Variants in NRXN1 observed in about 807,000 individuals in gnomAD.
NRXN1 encodes the protein neurexin-1.
A neutral mutation model predicts 150.9 loss-of-function variants in NRXN1; 39 were observed. The ratio of observed to expected loss-of-function variants is 0.26; its 90% CI spans 0.20 to 0.34. The LOEUF is 0.34. Among genes scored for constraint, NRXN1 ranks in the 10% least tolerant of loss-of-function variants. The pLI, the probability that NRXN1 is intolerant of heterozygous loss-of-function variation, is 1.00. For synonymous variants in NRXN1, 924 were observed against 757.0 expected, an observed-to-expected ratio of 1.22 and a Z score of -3.62; for missense variants, 1,815 against 1,949.9, an observed-to-expected ratio of 0.93 and a Z score of 1.30.
chr2:50,676,916 G>A (rs1378871757), intron 5 of NRXN1, among the ~76,000 whole-genome samples: 1 of 152,134 alleles, frequency 6.6e-6, no homozygotes, highest in East Asian at 1.9e-4. Flanking sequence ...GATGGCAGGT[G>A]CTCAAGGCCA....
At chr2:50,422,432 T>C (rs1001180397) in intron 17 of NRXN1, among the ~76,000 whole-genome samples, 3 of 152,164 alleles carry the variant, frequency 2.0e-5, no homozygotes, top group Non-Finnish European at 4.4e-5. Context: ...TTGTTTGCAT[T>C]AGAACTGGCA....
At chr2:50,598,682 G>A (rs1000688095) in intron 8 of NRXN1, among the ~76,000 whole-genome samples, 1 of 144,752 alleles carries the variant, frequency 6.9e-6, no homozygotes, top group South Asian at 2.1e-4. Flanking sequence ...ATATGTGTAT[G>A]TATATACATA....
intron 5 of NRXN1, among the ~76,000 whole-genome samples, chr2:50,811,707 G>A (rs1359829950): frequency 6.6e-6 from 1 of 152,168 alleles, no homozygotes; most frequent in Non-Finnish European, 1.5e-5. Flanking sequence ...TAAAGCAACT[G>A]TAGTGCCTTG....
chr2:50,300,645 A>G (rs1014382971), intron 17 of NRXN1, among the ~76,000 whole-genome samples: 2 of 152,148 alleles, frequency 1.3e-5, no homozygotes, highest in Admixed American at 6.5e-5. Context: ...TCCACTTCTA[A>G]GCCATGCTCT....
chr2:50,284,574 G>A (rs1226152167), intron 17 of NRXN1, among the ~76,000 whole-genome samples: 1 of 152,032 alleles, frequency 6.6e-6, no homozygotes, highest in Non-Finnish European at 1.5e-5. Flanking sequence ...TCCACGTAGG[G>A]GAGTGTCTAC....
chr2:50,521,212 C>A (rs1181620914), intron 12 of NRXN1, among the ~76,000 whole-genome samples: 3 of 152,082 alleles, frequency 2.0e-5, no homozygotes, highest in African/African-American at 7.2e-5. Flanking sequence ...TCTTAAATCA[C>A]GCATTTCAAA....
chr2:49,953,958 G>A, intron 21 of NRXN1, among the ~76,000 whole-genome samples: 1 of 151,764 alleles, frequency 6.6e-6, no homozygotes, highest in Non-Finnish European at 1.5e-5. Flanking sequence ...AACCACCAAG[G>A]CACATGTATA....
At chr2:51,030,617 T>C (rs1014417672) in intron 1 of NRXN1, among the ~76,000 whole-genome samples, 3 of 151,036 alleles carry the variant, frequency 2.0e-5, no homozygotes, top group African/African-American at 7.3e-5. Flanking sequence ...CAAAAGGAAA[T>C]AAAAATCTCA....
At chr2:50,609,534 C>A (rs1291468874) in intron 8 of NRXN1, among the ~76,000 whole-genome samples, 1 of 152,084 alleles carries the variant, frequency 6.6e-6, no homozygotes, top group Admixed American at 6.6e-5. Flanking sequence ...CATAGTCTCA[C>A]TTAATCCTTT....
chr2:50,719,021 T>A (rs530081595), intron 5 of NRXN1, among the ~76,000 whole-genome samples: 2 of 150,392 alleles, frequency 1.3e-5, no homozygotes, highest in African/African-American at 4.8e-5. Flanking sequence ...TATTCATAAA[T>A]ACATAATATA....
intron 5 of NRXN1, among the ~76,000 whole-genome samples, chr2:50,728,875 A>G (rs1191133406): frequency 1.3e-5 from 2 of 152,172 alleles, no homozygotes; most frequent in African/African-American, 4.8e-5. Context: ...TGTATTTACC[A>G]AATTATCCTT....
At chr2:50,527,055 G>C (rs2092972015) in intron 12 of NRXN1, among the ~76,000 whole-genome samples, 1 of 152,150 alleles carries the variant, frequency 6.6e-6, no homozygotes, top group African/African-American at 2.4e-5. Flanking sequence ...TTCATTAATT[G>C]CTATACTTTG....
At chr2:50,086,026 G>C (rs925719855) in intron 19 of NRXN1, among the ~76,000 whole-genome samples, 1 of 152,000 alleles carries the variant, frequency 6.6e-6, no homozygotes, top group Non-Finnish European at 1.5e-5. Flanking sequence ...CAAACCAGTT[G>C]GTCTCTTCAA....
chr2:50,481,978 CG>C (rs1267218640), intron 15 of NRXN1, among the ~76,000 whole-genome samples: 1 of 137,498 alleles, frequency 7.3e-6, no homozygotes, highest in African/African-American at 3.5e-5. Flanking sequence ...CCGTTTTAGC[CG>C]GGATGGTCTC....
At chr2:50,078,011 T>G (rs1245342502) in intron 19 of NRXN1, among the ~76,000 whole-genome samples, 1 of 152,080 alleles carries the variant, frequency 6.6e-6, no homozygotes, top group Non-Finnish European at 1.5e-5. Context: ...ATTCTACCCA[T>G]GAGGCTAAAT....
At chr2:50,614,613 G>A (rs935063466) in intron 8 of NRXN1, among the ~76,000 whole-genome samples, 77 of 144,850 alleles carry the variant, frequency 5.3e-4, no homozygotes, top group African/African-American at 1.9e-3. Context: ...TTGTACACAC[G>A]TACCCTAGAA....
At chr2:50,282,729 T>C (rs1205099279) in intron 17 of NRXN1, among the ~76,000 whole-genome samples, 1 of 152,180 alleles carries the variant, frequency 6.6e-6, no homozygotes, top group East Asian at 1.9e-4. Flanking sequence ...TCTTTGAAAA[T>C]ATGACTCAAT....
intron 5 of NRXN1, among the ~76,000 whole-genome samples, chr2:50,653,694 T>C (rs988691366): frequency 3.3e-5 from 5 of 152,038 alleles, no homozygotes; most frequent in African/African-American, 7.2e-5. Context: ...ATAATATAAT[T>C]GCGTGAAGTA....
chr2:50,268,049 G>C (rs2069109565), intron 17 of NRXN1, among the ~76,000 whole-genome samples: 1 of 152,056 alleles, frequency 6.6e-6, no homozygotes, highest in African/African-American at 2.4e-5. Flanking sequence ...AATCAGCTGG[G>C]TGTGGTAACG....
Sources: gnomAD v4.1 joint callset for allele counts (sites outside exome capture counted in the v4.1 genomes callset) on GRCh38, gnomAD v4.1.1 for gene constraint, MANE v1.5 for transcripts, NCBI Gene and HGNC (gene_info 2026-07-23, HGNC 2026-07-21) for gene names.